Variants in RIMKLB observed in about 807,000 individuals in gnomAD.
The protein encoded by RIMKLB is beta-citrylglutamate synthase B.
In RIMKLB, 7 loss-of-function variants were observed where a neutral mutation model predicts 32.0. The observed-to-expected ratio is 0.22, with a 90% confidence interval of 0.12 to 0.41. The LOEUF (loss-of-function observed/expected upper bound fraction) is 0.41. RIMKLB is among the 10% of genes least tolerant of loss of function. RIMKLB has a pLI of 1.00. For missense variants in RIMKLB, 289 were observed against 498.7 expected (o/e 0.58, Z 4.00); for synonymous variants, 172 against 185.1 (o/e 0.93, Z 0.57).
the RIMKLB span, among the ~76,000 whole-genome samples, chr12:8,669,809 C>T: frequency 4.7e-4 from 72 of 151,860 alleles, no homozygotes; most frequent in East Asian, 0.012. Flanking sequence ...GGGCGGATCA[C>T]GAGGTCAGGA....
chr12:8,698,287 C>T lies in RIMKLB; in HGVS notation c.-67C>T. The T allele has an allele frequency of 2.8e-6, 1 of 351,828 alleles. No homozygotes were observed. Among genetic ancestry groups the T allele is most frequent in the Non-Finnish European group, 5.8e-6 (1 of 171,988 alleles). 21.8% of individuals were successfully genotyped at this position (351,828 alleles called of 1,614,324 possible). ...GTCGGCCGAGAGCGAGGGAGGAGCC[C>T]CCCGACCCAGGTGAGCGGTACGACC... On this transcript the variant is annotated 5_prime_UTR_variant, in exon 1 of 6. Coordinates refer to ENST00000535829, the MANE Select transcript of RIMKLB (RefSeq NM_001297776.2).
intron 2 of RIMKLB, among the ~76,000 whole-genome samples, chr12:8,723,407 C>G (rs182852066): frequency 9.2e-5 from 14 of 152,218 alleles, no homozygotes; most frequent in Non-Finnish European, 1.6e-4. Flanking sequence ...CATCAAAGAT[C>G]ACTATAACAG....
At chr12:8,674,363 C>T in the RIMKLB span, among the ~76,000 whole-genome samples, 4 of 151,516 alleles carry the variant, frequency 2.6e-5, no homozygotes, top group South Asian at 4.2e-4. Flanking sequence ...CTCAGCCTCC[C>T]GAGTAGCTGG....
chr12:8,691,165 G>A (rs1199874128), intron 1 of RIMKLB, among the ~76,000 whole-genome samples: 1 of 152,058 alleles, frequency 6.6e-6, no homozygotes, highest in African/African-American at 2.4e-5. Flanking sequence ...CGAAAGATGG[G>A]AACCTGTATG....
chr12:8,775,837 C>T lies in RIMKLB; in HGVS notation c.*2053C>T. 1.0e-6 allele frequency: 1 copy of T among 984,752 alleles called. No individual in the cohort carries two copies. Among genetic ancestry groups the T allele is most frequent in the Non-Finnish European group, 1.2e-6 (1 of 829,296 alleles). The allele number at this position is 984,752 out of a possible 1,614,324, so 61.0% of individuals were successfully genotyped here. ...AGTTTGTAATTTATCTTAGGATATTCTAATTGCATTTAAAAGAACTTATCT... is the reference window on the plus strand; with the variant it reads ...AGTTTGTAATTTATCTTAGGATATTTTAATTGCATTTAAAAGAACTTATCT... On this transcript the variant is annotated 3_prime_UTR_variant, in exon 6 of 6. Transcript: ENST00000535829.
upstream of RIMKLB, among the ~76,000 whole-genome samples, chr12:8,694,493 C>A (rs1034271703): frequency 7.4e-6 from 1 of 135,402 alleles, no homozygotes; most frequent in African/African-American, 2.7e-5. Context: ...CCCCCAGGTT[C>A]AAAAATTCTC....
At chr12:8,716,667 C>A (rs1268516806) in intron 2 of RIMKLB, among the ~76,000 whole-genome samples, 1 of 149,142 alleles carries the variant, frequency 6.7e-6, no homozygotes, top group African/African-American at 2.5e-5. Context: ...TGGGGCTTCC[C>A]ATGGCTTCAA....
chr12:8,767,958 C>G lies in RIMKLB; in HGVS notation c.698-5363C>G, dbSNP rs184287706. Among the ~76,000 whole-genome samples the G allele has an allele frequency of 1.1e-4, 16 of 152,260 alleles. No homozygotes were observed. The East Asian group carries it at 2.3e-3, about 22-fold the overall frequency. ...GCTTTGGAGGTCCCTTCGTGGTCAC[C>G]AAAATGTTACCAGGGGGTCCTTGTG... On this transcript the variant is annotated intron_variant, in intron 5 of 5. Coordinates refer to ENST00000535829, the MANE Select transcript of RIMKLB (RefSeq NM_001297776.2).
At chr12:8,738,055 CA>C (rs1250708408) in intron 2 of RIMKLB, among the ~76,000 whole-genome samples, 6 of 152,042 alleles carry the variant, frequency 3.9e-5, no homozygotes, top group African/African-American at 1.4e-4. Flanking sequence ...TGGTCTCATT[CA>C]AAAAATTATA....
chr12:8,728,845 C>A (rs1417514528), intron 2 of RIMKLB, among the ~76,000 whole-genome samples: 2 of 151,898 alleles, frequency 1.3e-5, no homozygotes, highest in Non-Finnish European at 2.9e-5. Context: ...CCATTTTGCC[C>A]AGGCTGGTCT....
At chr12:8,760,078 A>G (rs78067355) in intron 5 of RIMKLB, among the ~76,000 whole-genome samples, 1 of 152,084 alleles carries the variant, frequency 6.6e-6, no homozygotes, top group Non-Finnish European at 1.5e-5. Flanking sequence ...TATATCTCCT[A>G]ATGCTATCCC....
downstream of RIMKLB, among the ~76,000 whole-genome samples, chr12:8,781,005 T>A (rs776104143): frequency 1.3e-4 from 20 of 152,354 alleles, no homozygotes; most frequent in East Asian, 3.7e-3. Flanking sequence ...GTTTTTAATT[T>A]GCAAGATAAA....
At position 8,773,796 on chromosome 12, in the gene RIMKLB, A is replaced by G; in HGVS notation, c.*12A>G. On this transcript the variant is annotated 3_prime_UTR_variant, in exon 6 of 6. Coordinates refer to ENST00000535829, the MANE Select transcript of RIMKLB (RefSeq NM_001297776.2). Reference sequence around the variant, plus strand: ...TACTGGTGGACTGACTCCACTGGTAATTAACCAACAAAACCCTTGTAAAAC... The same window carrying G: ...TACTGGTGGACTGACTCCACTGGTAGTTAACCAACAAAACCCTTGTAAAAC... 1 of 1,592,308 alleles carries G rather than the reference A, an allele frequency of 6.3e-7. No homozygotes were observed. The highest frequency in any genetic ancestry group is 1.1e-5 in the South Asian group (1 of 89,492).
intron 3 of RIMKLB, among the ~76,000 whole-genome samples, chr12:8,750,539 A>G (rs1948529648): frequency 6.6e-6 from 1 of 152,194 alleles, no homozygotes; most frequent in Non-Finnish European, 1.5e-5. Flanking sequence ...CTTCATTACC[A>G]TTTTGATAAC....
At chr12:8,748,518 T>TTGTGTG (rs1948307869) in intron 2 of RIMKLB, among the ~76,000 whole-genome samples, 2 of 80,976 alleles carry the variant, frequency 2.5e-5, no homozygotes, top group Admixed American at 1.5e-4. Context: ...GTGGGATTAT[T>TTGTGTG]CGTGTGTGTG....
chr12:8,689,349 G>C (rs982922383), intron 1 of RIMKLB, among the ~76,000 whole-genome samples: 3 of 152,196 alleles, frequency 2.0e-5, no homozygotes, highest in Non-Finnish European at 4.4e-5. Context: ...AGACGTCCTC[G>C]TTGGGAGCAG....
intron 2 of RIMKLB, among the ~76,000 whole-genome samples, chr12:8,727,407 G>A (rs1045503427): frequency 2.0e-5 from 3 of 152,100 alleles, no homozygotes; most frequent in Non-Finnish European, 4.4e-5. Flanking sequence ...GCTAATTTTT[G>A]TATTTCTTTA....
rs745320769 is a variant in RIMKLB at position 8,750,010 on chromosome 12, C to A, written c.324C>A (p.Ala108=). The change falls in exon 3 of 6, where the codon GCC becomes GCA. Residue 108 remains alanine, a synonymous_variant. Coordinates refer to ENST00000535829, the MANE Select transcript of RIMKLB (RefSeq NM_001297776.2). The stretch of plus-strand genomic sequence containing the variant: ...GTCGGTTAATGAACCGACCTCAAGC[C>A]ATCCTGAACTGCGTTAATAAGTTCT... ...MGCRLMNRPQ[A]ILNCVNKFWT... The A allele has an allele frequency of 6.2e-7, 1 of 1,614,068 alleles. No homozygotes were observed. Among genetic ancestry groups the A allele is most frequent in the Non-Finnish European group, 8.5e-7 (1 of 1,179,970 alleles).
At position 8,698,223 on chromosome 12, in the gene RIMKLB, C is replaced by T. The variant is rs752087229; in HGVS notation, c.-131C>T. On this transcript the variant is annotated 5_prime_UTR_variant, in exon 1 of 6. Transcript: ENST00000535829. ...TCTCCTTCCCCCACTTCCAGCCGCC[C>T]GGCGGCCCGCGCTTCCTCGAAGGCC... 1 of 371,334 alleles carries T rather than the reference C, an allele frequency of 2.7e-6. No homozygotes were observed. The highest frequency in any genetic ancestry group is 1.8e-5 in the South Asian group (1 of 56,046). 23.0% of individuals were successfully genotyped at this position (371,334 alleles called of 1,614,324 possible). A position where few individuals can be genotyped will look rare whatever the true frequency, so the allele number is the denominator to read the frequency against.
Sources: allele counts gnomAD v4.1 joint callset (sites outside exome capture counted in the v4.1 genomes callset), GRCh38; gene constraint gnomAD v4.1.1; transcripts MANE v1.5; gene names NCBI Gene and HGNC (gene_info 2026-07-23, HGNC 2026-07-21).